NOSTRIN: variants seen among roughly 807,000 people sequenced by gnomAD.
NOSTRIN encodes nitric oxide synthase trafficking.
In NOSTRIN, 63 loss-of-function variants were observed where a neutral mutation model predicts 59.0. The ratio of observed to expected loss-of-function variants is 1.07; its 90% confidence interval spans 0.87 to 1.32. The LOEUF (loss-of-function observed/expected upper bound fraction) is 1.32. Ranked by LOEUF, NOSTRIN falls within the 40% of genes most tolerant of loss-of-function variation. The pLI, the probability that NOSTRIN is intolerant of heterozygous loss-of-function variation, is 0.00. For missense variants in NOSTRIN, 512 were observed against 473.1 expected, an observed-to-expected ratio of 1.08 and a Z score of -0.76; for synonymous variants, 200 against 165.4, an observed-to-expected ratio of 1.21 and a Z score of -1.61.
chr2:168,801,530 A>G (rs1239353325), upstream of NOSTRIN, among the ~76,000 whole-genome samples: 2 of 152,100 alleles, frequency 1.3e-5, no homozygotes, highest in African/African-American at 2.4e-5. Context: ...GCTTATTTCT[A>G]GGGACTTTGA....
intron 2 of NOSTRIN, among the ~76,000 whole-genome samples, chr2:168,816,470 T>G (rs1240311144): frequency 6.6e-6 from 1 of 151,934 alleles, no homozygotes; most frequent in Non-Finnish European, 1.5e-5. Context: ...CCCACCCCAT[T>G]TGCACCCCAC....
intron 8 of NOSTRIN, among the ~76,000 whole-genome samples, chr2:168,846,313 T>C (rs1688420856): frequency 6.6e-6 from 1 of 152,198 alleles, no homozygotes; most frequent in African/African-American, 2.4e-5. Flanking sequence ...CAGTTTCATT[T>C]TTTCTCCATT....
In NOSTRIN at chr2:168,864,961, A is replaced by G. The variant is rs2105812126; in HGVS notation, c.1512A>G (p.Thr504=). 1 of 1,614,074 alleles carries G rather than the reference A, an allele frequency of 6.2e-7. No homozygotes were observed. Among genetic ancestry groups the G allele is most frequent in the Non-Finnish European group, 8.5e-7 (1 of 1,179,998 alleles). Residue 504 remains threonine (T), a synonymous_variant, in exon 16 of 16, where the codon ACA becomes ACG. Coordinates refer to ENST00000317647, the MANE Select transcript of NOSTRIN (RefSeq NM_001039724.4). ...ELPSNAGNTA[T]KA is the part of the protein sequence containing the mutation. ...CTTCAAATGCTGGCAACACAGCTAC[A>G]AAGGCATAAAACAAGACTCTGAACA... is the stretch of plus-strand genomic sequence containing the variant.
At chr2:168,840,696 A>C (rs1688044729) in intron 7 of NOSTRIN, among the ~76,000 whole-genome samples, 1 of 152,166 alleles carries the variant, frequency 6.6e-6, no homozygotes, top group Admixed American at 6.5e-5. Flanking sequence ...AAGGTTAGTC[A>C]AAATGCCCTT....
chr2:168,850,388 G>T (rs1365003111), intron 8 of NOSTRIN, among the ~76,000 whole-genome samples: 1 of 152,188 alleles, frequency 6.6e-6, no homozygotes, highest in African/African-American at 2.4e-5. Context: ...ATTTTAGGCA[G>T]AATTATAAAT....
rs550412854 is a variant in NOSTRIN at position 168,861,850 on chromosome 2, A to T, written c.1295-110A>T. ...AATTACAAACTTTCCTTTTGAGAAAAATTTAATATATTGAAACTCTGCATC... is the reference window on the plus strand; with the variant it reads ...AATTACAAACTTTCCTTTTGAGAAATATTTAATATATTGAAACTCTGCATC... On this transcript the variant is annotated intron_variant, in intron 14 of 15. Transcript: ENST00000317647. The T allele has an allele frequency of 2.4e-5, 24 of 989,676 alleles. 1 individual carries two copies. The African/African-American group carries it at 3.3e-4, about 13-fold the overall frequency. 61.3% of individuals were successfully genotyped at this position (989,676 alleles called of 1,614,324 possible).
chr2:168,824,457 C>T (rs554266466), intron 2 of NOSTRIN, among the ~76,000 whole-genome samples, 177 bp from the exon 3 acceptor site: 12 of 152,146 alleles, frequency 7.9e-5, no homozygotes, highest in Non-Finnish European at 1.6e-4. Context: ...TGCCACCACG[C>T]CTGGCTAATT....
intron 8 of NOSTRIN, among the ~76,000 whole-genome samples, chr2:168,850,596 A>AT (rs546749506): frequency 0.026 from 3,652 of 139,160 alleles, 89 homozygotes; most frequent in African/African-American, 0.055. Flanking sequence ...ATTCTTCCCA[A>AT]TTTTTTTTTT....
chr2:168,852,758 C>T (rs957930834), intron 10 of NOSTRIN, among the ~76,000 whole-genome samples: 12 of 152,178 alleles, frequency 7.9e-5, no homozygotes, highest in Non-Finnish European at 1.3e-4. Flanking sequence ...CCCCACCCTT[C>T]AGACAGCAGC....
upstream of NOSTRIN, chr2:168,802,612 G>A (rs577556073): frequency 5.0e-5 from 43 of 865,330 alleles, no homozygotes; most frequent in East Asian, 1.4e-4. Flanking sequence ...ATGCTGGAGC[G>A]TAGGTGAAAG....
intron 8 of NOSTRIN, among the ~76,000 whole-genome samples, chr2:168,845,441 G>A (rs940446591): frequency 4.6e-5 from 7 of 152,092 alleles, no homozygotes; most frequent in South Asian, 2.1e-4. Context: ...TACCTACATC[G>A]CAGCAATGGG....
intron 2 of NOSTRIN, 49 bp downstream of exon 2, chr2:168,811,701 C>A (rs1686144600): frequency 2.6e-6 from 2 of 761,142 alleles, no homozygotes; most frequent in African/African-American, 1.8e-5. Flanking sequence ...TTAGTTGTAG[C>A]AAGTGATATG....
At chr2:168,803,611 G>T (rs956552611) in intron 1 of NOSTRIN, among the ~76,000 whole-genome samples, 1 of 152,182 alleles carries the variant, frequency 6.6e-6, no homozygotes, top group East Asian at 1.9e-4. Context: ...AGTTACTATT[G>T]CAGAAAATCA....
chr2:168,844,737 G>A (rs1473536101), intron 8 of NOSTRIN, among the ~76,000 whole-genome samples: 2 of 152,152 alleles, frequency 1.3e-5, no homozygotes, highest in African/African-American at 4.8e-5. Flanking sequence ...GCGCGTGGTG[G>A]CGGGCGCCTG....
upstream of NOSTRIN, among the ~76,000 whole-genome samples, chr2:168,799,680 A>C: frequency 6.6e-6 from 1 of 152,184 alleles, no homozygotes; most frequent in African/African-American, 2.4e-5. Flanking sequence ...TTTATGATTT[A>C]GGTCCTCTTA....
chr2:168,854,464 T>G (rs2105767447), intron 10 of NOSTRIN, among the ~76,000 whole-genome samples: 1 of 152,250 alleles, frequency 6.6e-6, no homozygotes, highest in East Asian at 1.9e-4. Context: ...TCTACCATCC[T>G]ATTCTTTTTT....
chr2:168,830,221 A>G (rs894790480), intron 5 of NOSTRIN, among the ~76,000 whole-genome samples: 2 of 152,194 alleles, frequency 1.3e-5, no homozygotes, highest in Admixed American at 6.5e-5. Flanking sequence ...TTTACCATAA[A>G]TGAGGCACAG....
intron 11 of NOSTRIN, 48 bp downstream of exon 11, chr2:168,855,508 T>C (rs1197076061): frequency 2.9e-6 from 3 of 1,040,484 alleles, no homozygotes; most frequent in Non-Finnish European, 4.4e-6. Context: ...CATATGATGC[T>C]CAGAGGTTTC....
upstream of NOSTRIN, among the ~76,000 whole-genome samples, chr2:168,795,323 G>A (rs552191371): frequency 1.1e-4 from 16 of 152,146 alleles, no homozygotes; most frequent in African/African-American, 3.9e-4. Flanking sequence ...GGAAGTAATG[G>A]CACATAAATA....
Sources: allele counts gnomAD v4.1 joint callset (sites outside exome capture counted in the v4.1 genomes callset), GRCh38; gene constraint gnomAD v4.1.1; transcripts MANE v1.5; gene names NCBI Gene and HGNC (gene_info 2026-07-23, HGNC 2026-07-21).